Variants in TBCEL observed in about 807,000 individuals in gnomAD.
The protein encoded by TBCEL is tubulin folding cofactor E like, also known as tubulin-specific chaperone cofactor E-like protein.
A neutral mutation model predicts 44.2 loss-of-function variants in TBCEL; 15 were observed. The ratio of observed to expected loss-of-function variants is 0.34; its 90% confidence interval spans 0.23 to 0.52. TBCEL has a LOEUF of 0.52. Ranked by LOEUF, TBCEL falls within the 20% of genes least tolerant of loss-of-function variation. The probability of loss-of-function intolerance (pLI) is 0.95; values close to 1 mark genes in which losing one functional copy is unlikely to be tolerated. For missense variants in TBCEL, 319 were observed against 506.3 expected, an observed-to-expected ratio of 0.63 and a Z score of 3.55; for synonymous variants, 171 against 185.4, an observed-to-expected ratio of 0.92 and a Z score of 0.63.
At chr11:121,081,251 A>T (rs952676079) in intron 8 of TBCEL, among the ~76,000 whole-genome samples, 4 of 151,324 alleles carry the variant, frequency 2.6e-5, no homozygotes, top group East Asian at 1.9e-4. Flanking sequence ...TTTGTAGTAA[A>T]TTTTTTTTTA....
chr11:121,046,430 C>G (rs568910535), intron 3 of TBCEL, among the ~76,000 whole-genome samples: 2 of 152,146 alleles, frequency 1.3e-5, no homozygotes, highest in African/African-American at 4.8e-5. Flanking sequence ...ATTAACAGTT[C>G]TTGGAAGTAG....
rs77148049 is a variant in TBCEL, at chr11:121,060,255, C to T, written c.956+170C>T. On this transcript the variant is annotated intron_variant, in intron 8 of 8. Transcript: ENST00000683345. ...GAGCAAACCTATTTTATCTCATTTT[C>T]CACAGTATATTTCTTTCAGCTTTGC... 8.3e-3 allele frequency among the ~76,000 whole-genome samples: 1,264 copies of T among 151,976 alleles called. 23 individuals carry two copies. Among genetic ancestry groups the T allele is most frequent in the African/African-American group, 0.029 (1,190 of 41,522 alleles).
intron 1 of TBCEL, among the ~76,000 whole-genome samples, chr11:121,026,744 A>G (rs1353260034): frequency 2.0e-5 from 3 of 152,236 alleles, no homozygotes; most frequent in Non-Finnish European, 4.4e-5. Context: ...AATCAGGGAA[A>G]TATTTGTTTT....
chr11:121,044,538 C>CCT (rs1307697213), intron 2 of TBCEL, among the ~76,000 whole-genome samples: 5 of 152,050 alleles, frequency 3.3e-5, no homozygotes, highest in African/African-American at 1.2e-4. Flanking sequence ...TACTCCAGAG[C>CCT]CTGTATATCC....
At chr11:121,034,776 A>G (rs925516923) in intron 1 of TBCEL, among the ~76,000 whole-genome samples, 1 of 152,222 alleles carries the variant, frequency 6.6e-6, no homozygotes, top group African/African-American at 2.4e-5. Context: ...ACATGCCAGT[A>G]TGTGATTAAT....
chr11:121,060,404 A>G (rs1256866432), intron 8 of TBCEL, among the ~76,000 whole-genome samples: 4 of 151,432 alleles, frequency 2.6e-5, no homozygotes, highest in Admixed American at 2.6e-4. Flanking sequence ...ATTTTTACCT[A>G]CCCCCCCAAA....
chr11:121,079,594 A>G (rs1946088327), intron 8 of TBCEL, among the ~76,000 whole-genome samples: 1 of 152,154 alleles, frequency 6.6e-6, no homozygotes, highest in Admixed American at 6.5e-5. Context: ...ATAAAATGTG[A>G]TGCTTATGTG....
At chr11:121,036,652 C>T (rs528768925) in intron 2 of TBCEL, 40 bp downstream of exon 2, 16 of 152,118 alleles carry the variant, frequency 1.1e-4, no homozygotes, top group Non-Finnish European at 8.8e-5. Context: ...TAATTTTTTT[C>T]CCCTCATATT....
chr11:121,039,241 T>C (rs114233370), intron 2 of TBCEL, among the ~76,000 whole-genome samples: 3,690 of 152,354 alleles, frequency 0.024, 118 homozygotes, highest in African/African-American at 0.069. Flanking sequence ...TGTGCTGTTG[T>C]TTCCTGTACC....
chr11:121,048,799 C>T (rs1945478903), intron 4 of TBCEL, among the ~76,000 whole-genome samples: 1 of 151,832 alleles, frequency 6.6e-6, no homozygotes, highest in Non-Finnish European at 1.5e-5. Context: ...CTTTTACTTG[C>T]AGCTCATGAT....
chr11:121,050,797 C>T, intron 4 of TBCEL, among the ~76,000 whole-genome samples: 1 of 151,628 alleles, frequency 6.6e-6, no homozygotes, highest in East Asian at 1.9e-4. Context: ...AGTAAAGGGT[C>T]CCCTATTACA....
At chr11:121,042,926 T>G (rs1196840162) in intron 2 of TBCEL, among the ~76,000 whole-genome samples, 1 of 151,966 alleles carries the variant, frequency 6.6e-6, no homozygotes, top group Non-Finnish European at 1.5e-5. Flanking sequence ...GAGCTTAAAT[T>G]TCTTATGTCC....
intron 8 of TBCEL, among the ~76,000 whole-genome samples, chr11:121,072,552 G>C (rs537028796): frequency 6.6e-6 from 1 of 152,114 alleles, no homozygotes; most frequent in South Asian, 2.1e-4. Context: ...GCAGAAATTT[G>C]ATTTGTATGC....
intron 8 of TBCEL, among the ~76,000 whole-genome samples, chr11:121,086,070 A>C (rs944825034): frequency 2.6e-5 from 4 of 152,172 alleles, no homozygotes; most frequent in Non-Finnish European, 5.9e-5. Context: ...CAGGGCTGGC[A>C]GTGCAGACAA....
chr11:121,034,321 C>G (rs1438708340), intron 1 of TBCEL, among the ~76,000 whole-genome samples: 1 of 152,076 alleles, frequency 6.6e-6, no homozygotes, highest in Non-Finnish European at 1.5e-5. Context: ...AGTAGGAGTA[C>G]AAAAATCATA....
intron 7 of TBCEL, 23 bp from the exon 8 acceptor site, chr11:121,059,946 T>C: frequency 2.0e-6 from 3 of 1,529,602 alleles, no homozygotes; most frequent in Non-Finnish European, 2.7e-6. Flanking sequence ...AAAAAATGTC[T>C]TTATTTTGGT....
At chr11:121,069,585 G>A (rs1945886952) in intron 8 of TBCEL, among the ~76,000 whole-genome samples, 1 of 152,122 alleles carries the variant, frequency 6.6e-6, no homozygotes, top group African/African-American at 2.4e-5. Flanking sequence ...GAAGTTAGGA[G>A]TTCGAGACCT....
chr11:121,063,823 T>C (rs1427824274), intron 8 of TBCEL, among the ~76,000 whole-genome samples: 1 of 151,956 alleles, frequency 6.6e-6, no homozygotes, highest in African/African-American at 2.4e-5. Flanking sequence ...CTCAATCTTT[T>C]CTGGTAGAAT....
At chr11:121,071,900 A>G (rs1945940857) in intron 8 of TBCEL, among the ~76,000 whole-genome samples, 1 of 152,130 alleles carries the variant, frequency 6.6e-6, no homozygotes, top group Admixed American at 6.5e-5. Flanking sequence ...GCTGTTGTGA[A>G]GGAACATTTC....
Sources: allele counts gnomAD v4.1 joint callset (sites outside exome capture counted in the v4.1 genomes callset), GRCh38; gene constraint gnomAD v4.1.1; transcripts MANE v1.5; gene names NCBI Gene and HGNC (gene_info 2026-07-23, HGNC 2026-07-21).